RASA3: variants seen among roughly 807,000 people sequenced by gnomAD.
The protein encoded by RASA3 is ras GTPase-activating protein 3.
A neutral mutation model predicts 110.0 loss-of-function variants in RASA3; 73 were observed. That is an observed-to-expected ratio of 0.66 (90% CI 0.55 to 0.81). RASA3 has a LOEUF of 0.81. Among genes scored for constraint, RASA3 ranks in the 30% least tolerant of loss-of-function variants. RASA3 has a pLI of 0.00. For missense variants in RASA3, 976 were observed against 1,113.2 expected, an observed-to-expected ratio of 0.88 and a Z score of 1.75; for synonymous variants, 500 against 451.4, an observed-to-expected ratio of 1.11 and a Z score of -1.37.
In RASA3 at chr13:114,057,630, T is replaced by A. The variant is rs2079267189; in HGVS notation, c.174-5475A>T. Among the ~76,000 whole-genome samples the A allele has an allele frequency of 6.6e-6, 1 of 152,156 alleles. No individual in the cohort carries two copies. The highest frequency in any genetic ancestry group is 2.4e-5 in the African/African-American group (1 of 41,424). On this transcript the variant is annotated intron_variant, in intron 2 of 23. Transcript: ENST00000334062. The surrounding 1 kb of genome is among the most constrained non-coding windows in gnomAD (Gnocchi z 5.0). ...GCCAGCCTGACACCCAAGGCCACGA[T>A]GCCATAGCCAGGGAGCCCTGAAGAA...
intron 22 of RASA3, among the ~76,000 whole-genome samples, chr13:113,983,846 C>T (rs187203677): frequency 3.1e-5 from 4 of 127,470 alleles, no homozygotes; most frequent in African/African-American, 5.2e-5. Flanking sequence ...TTCTTCAAGA[C>T]GAGGGAAGAA....
intron 1 of RASA3, among the ~76,000 whole-genome samples, chr13:114,101,682 G>A (rs748563636): frequency 2.6e-5 from 4 of 152,200 alleles, no homozygotes; most frequent in East Asian, 1.9e-4. Flanking sequence ...GAACAGCCCC[G>A]GAGTTGGAAC....
At chr13:114,098,567 G>T (rs781273831) in intron 1 of RASA3, among the ~76,000 whole-genome samples, 1 of 152,118 alleles carries the variant, frequency 6.6e-6, no homozygotes, top group African/African-American at 2.4e-5. Flanking sequence ...TTAAGGGTGT[G>T]TGTGTGTGGA....
chr13:114,105,869 G>A (rs9525261), intron 1 of RASA3, among the ~76,000 whole-genome samples: 13 of 152,174 alleles, frequency 8.5e-5, no homozygotes, highest in East Asian at 1.9e-4. Context: ...AAACTATTAC[G>A]GTAAGCTACA....
In RASA3 at chr13:114,029,630, GGT is replaced by G. The variant is rs201955837; in HGVS notation, c.449+179_449+180del. On this transcript the variant is annotated intron_variant, in intron 5 of 23. Coordinates refer to ENST00000334062, the MANE Select transcript of RASA3 (RefSeq NM_007368.4). ...AGGACCTCTAAAATGGCGTCATCCT[GGT>G]GGGCCAGGACCCCTAAAACAGCATC... Among the ~76,000 whole-genome samples, 265 of 69,798 alleles carry G rather than the reference GGT, an allele frequency of 3.8e-3. 80 individuals are homozygous for G. Among genetic ancestry groups the G allele is most frequent in the East Asian group, 0.036 (85 of 2,360 alleles). The allele number at this position is 69,798 out of a possible 152,430, so 45.8% of individuals were successfully genotyped here. A position where few individuals can be genotyped will look rare whatever the true frequency, so the allele number is the denominator to read the frequency against.
Position 114,096,964 on chromosome 13 carries a change from G to A in RASA3, c.56-23127C>T, listed in dbSNP as rs777350681. Among the ~76,000 whole-genome samples, 2 of 152,182 alleles carry A rather than the reference G, an allele frequency of 1.3e-5. No homozygotes were observed. Among genetic ancestry groups the A allele is most frequent in the African/African-American group, 4.8e-5 (2 of 41,512 alleles). On this transcript the variant is annotated intron_variant, in intron 1 of 23. Coordinates refer to ENST00000334062, the MANE Select transcript of RASA3 (RefSeq NM_007368.4). This position sits in a 1 kb window ranked among gnomAD's most constrained non-coding sequence, Gnocchi z 5.1. ...CCTCCTCTGTGTCTCAATCCTTCCC[G>A]TGCACCAGGCCACTCTGAGTCTGCT...
intron 3 of RASA3, 103 bp downstream of exon 3, chr13:114,051,949 C>T: frequency 6.9e-6 from 6 of 864,476 alleles, no homozygotes; most frequent in Admixed American, 2.2e-5. Context: ...AGCCCTGCAG[C>T]GACCCCTCAG....
intron 1 of RASA3, chr13:114,108,640 C>T (rs1436035287): frequency 3.3e-5 from 5 of 152,136 alleles, no homozygotes; most frequent in African/African-American, 1.2e-4. Context: ...GGGATTCACA[C>T]CTTGTGTGCA....
Position 114,109,983 on chromosome 13 carries a change from T to G in RASA3, c.55+22452A>C, listed in dbSNP as rs114382347. 6.1e-3 allele frequency among the ~76,000 whole-genome samples: 933 copies of G among 152,094 alleles called. 10 individuals are homozygous for G. The highest frequency in any genetic ancestry group is 0.021 in the African/African-American group (887 of 41,456). ...CACAGATGCTGCCACAGCTGCACCC[T>G]CAGGGCAACGAGCGTCTGGCGGAGC... is the stretch of plus-strand genomic sequence containing the variant. On this transcript the variant is annotated intron_variant, in intron 1 of 23. Coordinates refer to ENST00000334062, the MANE Select transcript of RASA3 (RefSeq NM_007368.4).
intron 1 of RASA3, among the ~76,000 whole-genome samples, chr13:114,102,249 G>A (rs192646581): frequency 3.9e-5 from 6 of 152,184 alleles, no homozygotes; most frequent in African/African-American, 9.6e-5. Context: ...GGCGGTAGGC[G>A]GGCAGTGGGC....
intron 4 of RASA3, among the ~76,000 whole-genome samples, chr13:114,032,785 A>G (rs1377343459): frequency 4.3e-5 from 2 of 46,730 alleles, no homozygotes; most frequent in Non-Finnish European, 7.1e-5. Flanking sequence ...CCCCACACTG[A>G]CACCACGCCC....
chr13:114,038,858 A>G (rs2054333674), intron 4 of RASA3, among the ~76,000 whole-genome samples: 1 of 152,200 alleles, frequency 6.6e-6, no homozygotes, highest in South Asian at 2.1e-4. Context: ...GCGGGCACAG[A>G]GCCTCCATCC....
rs1161936678 is a variant in RASA3 at position 114,065,685 on chromosome 13, C to T, written c.173+8035G>A. 6.6e-6 allele frequency among the ~76,000 whole-genome samples: 1 copy of T among 152,200 alleles called. No individual in the cohort carries two copies. The highest frequency in any genetic ancestry group is 1.5e-5 in the Non-Finnish European group (1 of 68,032). ...GGGGGTCCGCGGTCAGCTCATAGCC[C>T]ACCCGCCACCCAGCACTGCAGGGTC... On this transcript the variant is annotated intron_variant, in intron 2 of 23. Coordinates refer to ENST00000334062, the MANE Select transcript of RASA3 (RefSeq NM_007368.4). The surrounding 1 kb of genome is among the most constrained non-coding windows in gnomAD (Gnocchi z 4.1).
chr13:114,126,745 G>T (rs558682417), intron 1 of RASA3, among the ~76,000 whole-genome samples: 2 of 152,168 alleles, frequency 1.3e-5, no homozygotes, highest in Non-Finnish European at 2.9e-5. Flanking sequence ...AGATCTGAGC[G>T]GGGGAAGTGC....
intron 2 of RASA3, among the ~76,000 whole-genome samples, chr13:114,063,471 G>A (rs1200806750): frequency 6.6e-6 from 1 of 151,594 alleles, no homozygotes; most frequent in Non-Finnish European, 1.5e-5. Context: ...TATAAATATA[G>A]AAGATACGAA....
intron 3 of RASA3, among the ~76,000 whole-genome samples, chr13:114,042,033 T>G (rs2054420444): frequency 6.6e-6 from 1 of 152,232 alleles, no homozygotes; most frequent in Non-Finnish European, 1.5e-5. Context: ...ACGCTTCCAG[T>G]GAAAATACGT....
intron 2 of RASA3, among the ~76,000 whole-genome samples, chr13:114,067,387 A>G (rs1463558850): frequency 2.6e-5 from 4 of 152,258 alleles, no homozygotes; most frequent in Non-Finnish European, 5.9e-5. Context: ...TTTAAGCTCT[A>G]ACTTGAGAGT....
chr13:114,098,796 G>A (rs1320613651), intron 1 of RASA3, among the ~76,000 whole-genome samples: 1 of 152,140 alleles, frequency 6.6e-6, no homozygotes, highest in Non-Finnish European at 1.5e-5. Context: ...GGGATTTAAA[G>A]AATGAAGAAA....
At chr13:114,032,370 C>T (rs189240958) in intron 4 of RASA3, among the ~76,000 whole-genome samples, 140 of 152,252 alleles carry the variant, frequency 9.2e-4, no homozygotes, top group African/African-American at 3.0e-3. Context: ...GCTCTATATC[C>T]GACCCATGGG....
Sources: gnomAD v4.1 joint callset for allele counts (sites outside exome capture counted in the v4.1 genomes callset) on GRCh38, gnomAD v4.1.1 for gene constraint, Gnocchi (gnomAD v3.1) non-coding constraint, MANE v1.5 for transcripts, NCBI Gene and HGNC (gene_info 2026-07-23, HGNC 2026-07-21) for gene names.